Variants in DYNC1LI2 observed in about 807,000 individuals in gnomAD.
DYNC1LI2 encodes the protein dynein cytoplasmic 1 light intermediate chain 2.
Under a neutral mutation model 57.8 loss-of-function variants are expected in DYNC1LI2, and 19 were observed. The observed-to-expected ratio is 0.33, with a 90% CI of 0.23 to 0.48. The LOEUF (loss-of-function observed/expected upper bound fraction) is 0.48, where lower values mean the gene tolerates loss of function less well. DYNC1LI2 is among the 20% of genes least tolerant of loss of function. The pLI is 0.99. For missense variants in DYNC1LI2, 470 were observed against 604.2 expected (o/e 0.78, Z 2.33); for synonymous variants, 256 against 233.4 (o/e 1.10, Z -0.88).
rs1217485486 is a variant in DYNC1LI2 at position 66,736,017 on chromosome 16, C to T, written c.699+58G>A. ...AAACGTCAACAGTTTCTCAAACTTT[C>T]AGATGGTGACTGTTCACCACCCGAA... On this transcript the variant is annotated intron_variant, in intron 5 of 12. Transcript: ENST00000258198. 6.4e-6 allele frequency: 10 copies of T among 1,560,602 alleles called. No homozygotes were observed. In the East Asian group the frequency reaches 2.3e-4, roughly 35 times the overall value.
chr16:66,749,156 C>T (rs1266645988), intron 3 of DYNC1LI2, 41 bp downstream of exon 3: 1 of 1,600,774 alleles, frequency 6.2e-7, no homozygotes, highest in Non-Finnish European at 8.6e-7. Flanking sequence ...AGTCAGAGTC[C>T]TGCATACACC....
At chr16:66,729,479 C>T (rs190775328) in intron 8 of DYNC1LI2, among the ~76,000 whole-genome samples, 83 of 152,212 alleles carry the variant, frequency 5.5e-4, no homozygotes, top group African/African-American at 1.7e-3. Context: ...TAACGCCAGA[C>T]CTCATTTAAA....
Position 66,725,925 on chromosome 16 carries a change from C to T in DYNC1LI2, c.1281G>A (p.Gly427=). ...PNIKNNAASE[G]VLASFFNSLL... ...GACTGTTGAAGAAGCTGGCCAACACCCCTTCACTTGCTGCATTATCTAAGG... is the reference window on the plus strand; with the variant it reads ...GACTGTTGAAGAAGCTGGCCAACACTCCTTCACTTGCTGCATTATCTAAGG... The change falls in exon 12 of 13, where the codon GGG becomes GGA. Residue 427 remains glycine (G), a synonymous_variant. Coordinates refer to ENST00000258198, the MANE Select transcript of DYNC1LI2 (RefSeq NM_006141.3). 1 of 1,613,294 alleles carries T rather than the reference C, an allele frequency of 6.2e-7. No individual in the cohort carries two copies. The highest frequency in any genetic ancestry group is 8.5e-7 in the Non-Finnish European group (1 of 1,179,736).
chr16:66,726,742 A>G (rs1296731974), intron 11 of DYNC1LI2, among the ~76,000 whole-genome samples: 5 of 152,114 alleles, frequency 3.3e-5, no homozygotes, highest in East Asian at 1.9e-4. Context: ...CCCAGGATTA[A>G]GCCGTTCTCC....
rs1025002659 is a variant in DYNC1LI2, at chr16:66,722,106, T to G, written c.*1616A>C. 1.3e-5 allele frequency: 2 copies of G among 152,666 alleles called. No homozygotes were observed. The highest frequency in any genetic ancestry group is 4.8e-5 in the African/African-American group (2 of 41,466). The allele number at this position is 152,666 out of a possible 1,614,324, so 9.5% of individuals were successfully genotyped here. ...GAAACATTTCTATCAGAAAGGCAAGTTGATACTCAGCTTTCTCCTTAACAG... is the reference window on the plus strand; with the variant it reads ...GAAACATTTCTATCAGAAAGGCAAGGTGATACTCAGCTTTCTCCTTAACAG... On this transcript the variant is annotated 3_prime_UTR_variant, in exon 13 of 13. Transcript: ENST00000258198.
intron 12 of DYNC1LI2, among the ~76,000 whole-genome samples, chr16:66,724,157 C>T (rs2017497332): frequency 6.6e-6 from 1 of 152,158 alleles, no homozygotes; most frequent in African/African-American, 2.4e-5. Flanking sequence ...CACCATCTTC[C>T]TAGAGGTAGT....
chr16:66,730,228 A>AG lies in DYNC1LI2; in HGVS notation c.930-6dup. ...TCATTGTCCCAGCCTGCAGGTCTAA[A>AG]GGCAAAGAGAGAGGGACTGAATTGC... On this transcript the variant is annotated splice_region_variant and splice_polypyrimidine_tract_variant and intron_variant, in intron 7 of 12. Coordinates refer to ENST00000258198, the MANE Select transcript of DYNC1LI2 (RefSeq NM_006141.3). The AG allele has an allele frequency of 2.5e-6, 4 of 1,610,896 alleles. No homozygotes were observed. The highest frequency in any genetic ancestry group is 3.4e-6 in the Non-Finnish European group (4 of 1,178,558).
At chr16:66,724,072 G>A (rs952738296) in intron 12 of DYNC1LI2, among the ~76,000 whole-genome samples, 2 of 152,214 alleles carry the variant, frequency 1.3e-5, no homozygotes, top group South Asian at 2.1e-4. Flanking sequence ...CTGGCGGGGG[G>A]TGCCTTTGTG....
intron 3 of DYNC1LI2, among the ~76,000 whole-genome samples, chr16:66,748,106 G>T (rs1379479949): frequency 6.6e-6 from 1 of 151,674 alleles, no homozygotes. Flanking sequence ...GAGCAACATA[G>T]TGAAACCCCA....
intron 5 of DYNC1LI2, 143 bp downstream of exon 5, chr16:66,735,932 C>T: frequency 9.0e-7 from 1 of 1,106,882 alleles, no homozygotes; most frequent in Non-Finnish European, 1.3e-6. Context: ...TTTTTTCTGT[C>T]TTGACATATT....
intron 4 of DYNC1LI2, among the ~76,000 whole-genome samples, chr16:66,737,333 G>A (rs896981826): frequency 6.6e-6 from 1 of 151,896 alleles, no homozygotes; most frequent in African/African-American, 2.4e-5. Context: ...CTTCCACCCT[G>A]GCCAACATGG....
chr16:66,744,636 A>G (rs1596997564), intron 3 of DYNC1LI2, among the ~76,000 whole-genome samples: 1 of 151,270 alleles, frequency 6.6e-6, no homozygotes, highest in Non-Finnish European at 1.5e-5. Flanking sequence ...AACCGCCGCC[A>G]CCCCTCCCTG....
chr16:66,722,778 A>G lies in DYNC1LI2; in HGVS notation c.*944T>C, dbSNP rs1318086195. ...CAAACTTTCCGTGGCACATTGCATT[A>G]TGGTAAAACCAGAGGTTCATCACCT... On this transcript the variant is annotated 3_prime_UTR_variant, in exon 13 of 13. Coordinates refer to ENST00000258198, the MANE Select transcript of DYNC1LI2 (RefSeq NM_006141.3). The G allele has an allele frequency of 6.5e-6, 1 of 153,028 alleles. No individual in the cohort carries two copies. Among genetic ancestry groups the G allele is most frequent in the Non-Finnish European group, 1.5e-5 (1 of 68,332 alleles). The allele number at this position is 153,028 out of a possible 1,614,324, so 9.5% of individuals were successfully genotyped here.
chr16:66,724,926 C>T (rs955637041), intron 12 of DYNC1LI2, among the ~76,000 whole-genome samples: 1 of 152,206 alleles, frequency 6.6e-6, no homozygotes, highest in African/African-American at 2.4e-5. Context: ...AATCCCAGCA[C>T]TTTGGGAGGC....
At chr16:66,744,988 T>C (rs1477035794) in intron 3 of DYNC1LI2, among the ~76,000 whole-genome samples, 1 of 152,202 alleles carries the variant, frequency 6.6e-6, no homozygotes, top group Non-Finnish European at 1.5e-5. Context: ...GCTCAACTCA[T>C]TGCAATCTCC....
chr16:66,749,726 C>T (rs184869317), intron 2 of DYNC1LI2, among the ~76,000 whole-genome samples: 16 of 152,242 alleles, frequency 1.1e-4, no homozygotes, highest in Admixed American at 2.6e-4. Context: ...AGTCCAGGTA[C>T]TGTGAACTAA....
intron 3 of DYNC1LI2, among the ~76,000 whole-genome samples, chr16:66,747,326 T>G (rs2017954707): frequency 6.6e-6 from 1 of 152,008 alleles, no homozygotes; most frequent in Non-Finnish European, 1.5e-5. Flanking sequence ...TCTGCCTGCC[T>G]CAGACTCCCA....
At chr16:66,726,075 C>A (rs2017532173) in intron 11 of DYNC1LI2, 131 bp from the exon 12 acceptor site, 2 of 856,400 alleles carry the variant, frequency 2.3e-6, no homozygotes, top group Middle Eastern at 3.2e-4. Flanking sequence ...CATTCATTCG[C>A]TACGATGCCT....
At chr16:66,739,457 T>C (rs545166177) in intron 4 of DYNC1LI2, 9 of 152,350 alleles carry the variant, frequency 5.9e-5, no homozygotes, top group South Asian at 4.1e-4. Context: ...TTAATTGTTT[T>C]TGAGATAGAG....
Sources: allele counts gnomAD v4.1 joint callset (sites outside exome capture counted in the v4.1 genomes callset), GRCh38; gene constraint gnomAD v4.1.1; transcripts MANE v1.5; gene names NCBI Gene and HGNC (gene_info 2026-07-23, HGNC 2026-07-21).